The following RPN2 variants were observed in gnomAD, a reference collection of about 807,000 sequenced individuals.
The protein encoded by RPN2 is ribophorin II.
In RPN2, 29 loss-of-function variants were observed where a neutral mutation model predicts 71.4. The observed-to-expected ratio is 0.41, with a 90% CI of 0.30 to 0.55. The LOEUF is 0.55. Ranked by LOEUF, RPN2 falls within the 20% of genes least tolerant of loss-of-function variation. The probability of loss-of-function intolerance (pLI) is 0.35; values close to 1 mark genes in which losing one functional copy is unlikely to be tolerated. For missense variants in RPN2, 726 were observed against 774.1 expected (o/e 0.94, Z 0.74); for synonymous variants, 308 against 305.0 (o/e 1.01, Z -0.10).
At chr20:37,223,846 A>G (rs548663185) in intron 9 of RPN2, 32 bp from the exon 10 acceptor site, 1 of 1,582,008 alleles carries the variant, frequency 6.3e-7, no homozygotes, top group South Asian at 1.1e-5. Context: ...CCACCAATTG[A>G]CCTGGCAACT....
intron 16 of RPN2, among the ~76,000 whole-genome samples, chr20:37,237,939 C>T (rs1021662055): frequency 3.9e-5 from 6 of 152,168 alleles, no homozygotes; most frequent in Admixed American, 6.5e-5. Flanking sequence ...TGCCTATAAT[C>T]CCAGCACTTT....
intron 6 of RPN2, 41 bp from the exon 7 acceptor site, chr20:37,207,232 A>T: frequency 6.5e-7 from 1 of 1,545,276 alleles, no homozygotes; most frequent in South Asian, 1.1e-5. Flanking sequence ...CCACCTTCCC[A>T]GCAGAGGAAG....
intron 15 of RPN2, among the ~76,000 whole-genome samples, chr20:37,234,685 GT>G (rs113523661): frequency 1.3e-4 from 19 of 145,806 alleles, no homozygotes; most frequent in South Asian, 2.2e-4. Context: ...TTTGTTCGTT[GT>G]TTTTTTTTTT....
chr20:37,179,365 G>C lies in RPN2; in HGVS notation c.9G>C (p.Pro3=). MA[P]PGSSTVFLLA... Reference sequence around the variant, plus strand: ...GGGACCTGCTCGGAGGAATGGCGCCGCCGGGTGAGGAGTTGCGCGTGGCTT... The same window carrying C: ...GGGACCTGCTCGGAGGAATGGCGCCCCCGGGTGAGGAGTTGCGCGTGGCTT... The change falls in exon 1 of 17, where the codon CCG becomes CCC. Residue 3 remains proline (P), a synonymous_variant. Coordinates refer to ENST00000237530, the MANE Select transcript of RPN2 (RefSeq NM_002951.5). The C allele has an allele frequency of 6.5e-7, 1 of 1,532,320 alleles. No individual in the cohort carries two copies. Among genetic ancestry groups the C allele is most frequent in the Non-Finnish European group, 8.8e-7 (1 of 1,139,030 alleles). The allele number at this position is 1,532,320 out of a possible 1,614,324, so 94.9% of individuals were successfully genotyped here.
rs376919805 is a variant in RPN2, at chr20:37,207,299, G to A, written c.717G>A (p.Ala239=). The change falls in exon 7 of 17, where the codon GCG becomes GCA. Residue 239 remains alanine (A), a synonymous_variant. Transcript: ENST00000237530. The stretch of plus-strand genomic sequence containing the variant: ...ATCAGGTCATCCAGCTGATGAACGC[G>A]ATCTTCAGCAAGAAGAACTTTGAGT... The part of the protein sequence containing the change: ...KEDQVIQLMN[A]IFSKKNFESL... 25 of 1,613,964 alleles carry A rather than the reference G, an allele frequency of 1.5e-5. No homozygotes were observed. Among genetic ancestry groups the A allele is most frequent in the Non-Finnish European group, 1.9e-5 (23 of 1,179,932 alleles).
chr20:37,202,274 A>G (rs1258248765), intron 4 of RPN2, among the ~76,000 whole-genome samples: 3 of 152,208 alleles, frequency 2.0e-5, no homozygotes, highest in African/African-American at 4.8e-5. Flanking sequence ...CAAGTGTATG[A>G]TAACAGCAAG....
intron 6 of RPN2, among the ~76,000 whole-genome samples, chr20:37,206,913 G>A (rs557232859): frequency 6.6e-6 from 1 of 152,138 alleles, no homozygotes; most frequent in East Asian, 1.9e-4. Context: ...TTTTCTCTAT[G>A]TTAGTCAGGC....
At chr20:37,200,349 T>C (rs947973200) in intron 4 of RPN2, 10 of 348,394 alleles carry the variant, frequency 2.9e-5, no homozygotes, top group South Asian at 1.9e-4. Context: ...TCCAGGCCGG[T>C]TGTAATTTTT....
intron 3 of RPN2, 24 bp downstream of exon 3, chr20:37,198,516 C>T (rs1169060446): frequency 1.2e-6 from 2 of 1,614,106 alleles, no homozygotes; most frequent in Non-Finnish European, 1.7e-6. Flanking sequence ...CCTACGCTGA[C>T]AATGACTTTA....
At position 37,234,458 on chromosome 20, in the gene RPN2, A is replaced by G. The variant is rs183433558; in HGVS notation, c.1753+363A>G. Among the ~76,000 whole-genome samples, 5 of 152,288 alleles carry G rather than the reference A, an allele frequency of 3.3e-5. No individual in the cohort carries two copies. The East Asian group carries it at 9.6e-4, about 29-fold the overall frequency. On this transcript the variant is annotated intron_variant, in intron 15 of 16. Coordinates refer to ENST00000237530, the MANE Select transcript of RPN2 (RefSeq NM_002951.5). ...TCCAAAGGTTATCTTTCCCCACGCT[A>G]TCGATCTTCACATTTGCTGCCGGCT...
Position 37,236,563 on chromosome 20 carries a change from G to A in RPN2, c.1754-17G>A. ...TATGTTTCATTTAATTGGATGTCAT[G>A]ACACCTCTTCTTGCAGCTATGCTGG... On this transcript the variant is annotated splice_polypyrimidine_tract_variant and intron_variant, in intron 15 of 16. Coordinates refer to ENST00000237530, the MANE Select transcript of RPN2 (RefSeq NM_002951.5). 1 of 1,613,812 alleles carries A rather than the reference G, an allele frequency of 6.2e-7. No individual in the cohort carries two copies. Among genetic ancestry groups the A allele is most frequent in the Non-Finnish European group, 8.5e-7 (1 of 1,179,908 alleles).
At chr20:37,191,644 T>C (rs1036008700) in intron 2 of RPN2, among the ~76,000 whole-genome samples, 2 of 151,822 alleles carry the variant, frequency 1.3e-5, no homozygotes, top group African/African-American at 4.8e-5. Context: ...GGCGGGTGCC[T>C]GTAGTCCCAG....
chr20:37,179,599 T>G, intron 1 of RPN2: 1 of 1,141,214 alleles, frequency 8.8e-7, no homozygotes, highest in Non-Finnish European at 1.2e-6. Flanking sequence ...AGCGCGGAGC[T>G]ACGGGTCGCC....
At chr20:37,225,653 C>G (rs988291093) in intron 10 of RPN2, 35 bp from the exon 11 acceptor site, 1 of 1,360,786 alleles carries the variant, frequency 7.3e-7, no homozygotes, top group Non-Finnish European at 1.1e-6. Context: ...ATATACTGAT[C>G]CTCTCTGAAG....
At chr20:37,228,328 G>A (rs978542827) in intron 11 of RPN2, among the ~76,000 whole-genome samples, 9 of 152,298 alleles carry the variant, frequency 5.9e-5, no homozygotes, top group African/African-American at 1.9e-4. Context: ...GGCTGGACCC[G>A]TAAGTTAAAT....
chr20:37,232,358 G>C lies in RPN2; in HGVS notation c.1644G>C (p.Leu548=). The change falls in exon 14 of 17, where the codon CTG becomes CTC. Residue 548 remains leucine, a synonymous_variant. Transcript: ENST00000237530. ...PTVVSNTFTA[L]ILSPLLLLFA... ...TGGTGTCCAATACATTCACTGCCCT[G>C]ATCCTCTCGCCGTTGCTTCTGCTCT... 1 of 1,614,174 alleles carries C rather than the reference G, an allele frequency of 6.2e-7. No individual in the cohort carries two copies. Among genetic ancestry groups the C allele is most frequent in the Non-Finnish European group, 8.5e-7 (1 of 1,180,030 alleles).
chr20:37,209,527 G>A (rs6073683), intron 7 of RPN2, among the ~76,000 whole-genome samples: 112,208 of 151,578 alleles, frequency 0.74, 41,969 homozygotes, highest in Middle Eastern at 0.85. Context: ...CTGGAGTATA[G>A]TGGCGCAATC....
chr20:37,212,511 C>T (rs955977478), intron 8 of RPN2, among the ~76,000 whole-genome samples: 4 of 148,408 alleles, frequency 2.7e-5, no homozygotes, highest in Admixed American at 1.3e-4. Context: ...GAGACAGTTT[C>T]GCTCTGTTGC....
Position 37,184,744 on chromosome 20 carries a change from A to G in RPN2, c.207+371A>G, listed in dbSNP as rs534659687. 2.2e-3 allele frequency among the ~76,000 whole-genome samples: 332 copies of G among 152,312 alleles called. 1 individual carries two copies. Among genetic ancestry groups the G allele is most frequent in the East Asian group, 3.3e-3 (17 of 5,182 alleles). ...GAGGCAGAGGTTGCAGTGAGCTGAGATCCCGCCATTGCACTCCAGCCCAGG... is the reference window on the plus strand; with the variant it reads ...GAGGCAGAGGTTGCAGTGAGCTGAGGTCCCGCCATTGCACTCCAGCCCAGG... On this transcript the variant is annotated intron_variant, in intron 2 of 16. Coordinates refer to ENST00000237530, the MANE Select transcript of RPN2 (RefSeq NM_002951.5).
Sources: allele counts gnomAD v4.1 joint callset (sites outside exome capture counted in the v4.1 genomes callset), GRCh38; gene constraint gnomAD v4.1.1; transcripts MANE v1.5; gene names NCBI Gene and HGNC (gene_info 2026-07-23, HGNC 2026-07-21).